The following CALD1 variants were observed in gnomAD, a reference collection of about 807,000 sequenced individuals.
CALD1 encodes the protein caldesmon.
In CALD1, 33 loss-of-function variants were observed where a neutral mutation model predicts 99.9. The observed-to-expected ratio is 0.33, with a 90% CI of 0.25 to 0.44. CALD1 has a LOEUF of 0.44. CALD1 is among the 20% of genes least tolerant of loss of function. The pLI, the probability that CALD1 is intolerant of heterozygous loss-of-function variation, is 1.00. For synonymous variants in CALD1, 310 were observed against 325.0 expected (o/e 0.95, Z 0.50); for missense variants, 861 against 962.1 (o/e 0.89, Z 1.39).
chr7:134,745,981 A>G (rs17792160), intron 1 of CALD1, among the ~76,000 whole-genome samples: 96,620 of 151,990 alleles, frequency 0.64, 31,186 homozygotes, highest in East Asian at 0.89. Flanking sequence ...GTGGGTCGAT[A>G]AAGCCACTGC....
rs960544244 is a variant in CALD1, at chr7:134,960,037, G to A, written c.2125G>A (p.Val709Ile). Residue 709 changes from valine to isoleucine, a missense_variant, in exon 12 of 15, where the codon GTA becomes ATA. By Grantham distance (29) the Val-to-Ile change is conservative. Coordinates refer to ENST00000361675, the MANE Select transcript of CALD1 (RefSeq NM_033138.4). The part of the protein sequence containing the change: ...ASDLPVPAEG[V>I]RNIKSMWEKG... ...GGATCTTCCTGTTCCTGCTGAAGGT[G>A]TACGCAACATCAAGAGTATGTGGGA... 1 of 1,614,118 alleles carries A rather than the reference G, an allele frequency of 6.2e-7. No homozygotes were observed.
At chr7:134,889,257 C>T (rs982904450) in intron 3 of CALD1, among the ~76,000 whole-genome samples, 23 of 152,216 alleles carry the variant, frequency 1.5e-4, no homozygotes, top group African/African-American at 5.5e-4. Context: ...GGGGAGAATC[C>T]ATTTCCTTGC....
chr7:134,867,843 T>A lies in CALD1; in HGVS notation c.71+39T>A, dbSNP rs753260509. The A allele has an allele frequency of 3.7e-6, 5 of 1,353,280 alleles. No homozygotes were observed. In the South Asian group the frequency reaches 3.8e-5, roughly 10 times the overall value. 83.8% of individuals were successfully genotyped at this position (1,353,280 alleles called of 1,614,324 possible). ...GTGAAAAATACTTGTATTCCCTTATTAACAACCTTGGTTTCAGGCCTCAAA... is the reference window on the plus strand; with the variant it reads ...GTGAAAAATACTTGTATTCCCTTATAAACAACCTTGGTTTCAGGCCTCAAA... On this transcript the variant is annotated intron_variant, in intron 3 of 14. Transcript: ENST00000361675.
intron 3 of CALD1, among the ~76,000 whole-genome samples, chr7:134,908,723 T>C (rs1803579056): frequency 6.6e-6 from 1 of 152,194 alleles, no homozygotes; most frequent in Non-Finnish European, 1.5e-5. Context: ...AAGCAACTGC[T>C]ACTCTGAAAT....
At chr7:134,885,078 G>A (rs1458738863) in intron 3 of CALD1, among the ~76,000 whole-genome samples, 1 of 151,856 alleles carries the variant, frequency 6.6e-6, no homozygotes, top group Non-Finnish European at 1.5e-5. Context: ...GGTTACAGGC[G>A]CACACCACCA....
the CALD1 span, among the ~76,000 whole-genome samples, chr7:134,723,931 G>A: frequency 7.2e-5 from 11 of 152,258 alleles, no homozygotes; most frequent in South Asian, 4.1e-4. Context: ...TAGAGGAGGC[G>A]TTCAATGGGA....
At chr7:134,827,146 A>G (rs1799030179) in intron 1 of CALD1, among the ~76,000 whole-genome samples, 1 of 152,238 alleles carries the variant, frequency 6.6e-6, no homozygotes, top group African/African-American at 2.4e-5. Flanking sequence ...TAAACAAAAT[A>G]CAATAGTTAT....
At chr7:134,764,427 T>C (rs1457381475) in intron 1 of CALD1, among the ~76,000 whole-genome samples, 2 of 152,214 alleles carry the variant, frequency 1.3e-5, no homozygotes, top group Admixed American at 1.3e-4. Context: ...GATTTTATGA[T>C]ATAGACTTGA....
chr7:134,810,857 C>A (rs1337414668), intron 1 of CALD1, among the ~76,000 whole-genome samples: 1 of 152,156 alleles, frequency 6.6e-6, no homozygotes, highest in Non-Finnish European at 1.5e-5. Context: ...TGGCCAACCA[C>A]CCAAGTTGCC....
intron 2 of CALD1, among the ~76,000 whole-genome samples, chr7:134,857,997 G>T (rs896028641): frequency 6.6e-6 from 1 of 151,832 alleles, no homozygotes; most frequent in East Asian, 1.9e-4. Context: ...CAAGATAGCT[G>T]GCCAAGGCTC....
chr7:134,837,852 T>C (rs1190101718), intron 1 of CALD1, among the ~76,000 whole-genome samples: 1 of 152,270 alleles, frequency 6.6e-6, no homozygotes, highest in East Asian at 1.9e-4. Context: ...TTGAAGTAGC[T>C]GATACCTGTT....
Position 134,954,743 on chromosome 7 carries a change from A to G in CALD1, c.1936-3326A>G, listed in dbSNP as rs115374336. ...CGCTATCCCCTTCTGCAGTGCCTCT[A>G]TCCTCCCACCACACTGAATTTTTCT... On this transcript the variant is annotated intron_variant, in intron 9 of 14. Transcript: ENST00000361675. Among the ~76,000 whole-genome samples, 630 of 152,308 alleles carry G rather than the reference A, an allele frequency of 4.1e-3. 3 individuals carry two copies. The highest frequency in any genetic ancestry group is 0.015 in the African/African-American group (603 of 41,572).
chr7:134,751,833 C>A (rs867271901), intron 1 of CALD1, among the ~76,000 whole-genome samples: 1 of 151,904 alleles, frequency 6.6e-6, no homozygotes. Context: ...CAAAATTAGG[C>A]GGGTGTGGTG....
At chr7:134,873,989 A>G (rs1801227407) in intron 3 of CALD1, among the ~76,000 whole-genome samples, 1 of 152,218 alleles carries the variant, frequency 6.6e-6, no homozygotes, top group Non-Finnish European at 1.5e-5. Context: ...TAGATGGTAC[A>G]AGAACCATAG....
chr7:134,937,432 A>T (rs1806067848), intron 6 of CALD1, among the ~76,000 whole-genome samples: 1 of 152,096 alleles, frequency 6.6e-6, no homozygotes, highest in Non-Finnish European at 1.5e-5. Flanking sequence ...CAGATAAGCT[A>T]CTCAAACTGG....
intron 12 of CALD1, 91 bp from the exon 13 acceptor site, chr7:134,960,442 A>C (rs1808176118): frequency 6.3e-6 from 5 of 795,322 alleles, no homozygotes; most frequent in Admixed American, 1.9e-5. Context: ...GTGAAATCAT[A>C]CTTAATGATA....
intron 2 of CALD1, among the ~76,000 whole-genome samples, chr7:134,864,351 A>G (rs967325444): frequency 6.6e-6 from 1 of 151,470 alleles, no homozygotes; most frequent in Non-Finnish European, 1.5e-5. Flanking sequence ...CCATCTCAAA[A>G]AAAAAAAAAA....
At chr7:134,943,130 C>T (rs1005662011) in intron 7 of CALD1, among the ~76,000 whole-genome samples, 1 of 152,156 alleles carries the variant, frequency 6.6e-6, no homozygotes, top group African/African-American at 2.4e-5. Context: ...TATAGTTTTG[C>T]TCCATATACA....
intron 3 of CALD1, among the ~76,000 whole-genome samples, chr7:134,884,792 G>A (rs752689859): frequency 2.6e-5 from 4 of 152,102 alleles, no homozygotes; most frequent in African/African-American, 7.2e-5. Context: ...CTCCTAGGCT[G>A]TATCAGGTGC....
Sources: allele counts gnomAD v4.1 joint callset (sites outside exome capture counted in the v4.1 genomes callset), GRCh38; gene constraint gnomAD v4.1.1; transcripts MANE v1.5; gene names NCBI Gene and HGNC (gene_info 2026-07-23, HGNC 2026-07-21).